PCDHA7: variants seen among roughly 807,000 people sequenced by gnomAD.
PCDHA7 encodes protocadherin alpha 7, also known as protocadherin alpha-7.
In PCDHA7, 37 loss-of-function variants were observed where a neutral mutation model predicts 57.2. That is an observed-to-expected ratio of 0.65 (90% confidence interval 0.50 to 0.85). The LOEUF (loss-of-function observed/expected upper bound fraction) is 0.85, where lower values mean the gene tolerates loss of function less well. Among genes scored for constraint, PCDHA7 ranks in the 40% least tolerant of loss-of-function variants. PCDHA7 has a pLI of 0.00. For missense variants in PCDHA7, 1,188 were observed against 1,241.8 expected, an observed-to-expected ratio of 0.96 and a Z score of 0.65; for synonymous variants, 553 against 558.8, an observed-to-expected ratio of 0.99 and a Z score of 0.15.
chr5:140,928,921 C>A (rs782289381), intron 1 of PCDHA7: 1 of 1,614,116 alleles, frequency 6.2e-7, no homozygotes, highest in Non-Finnish European at 8.5e-7. Flanking sequence ...AGGAGGGCAG[C>A]TTTCTGCCCA....
rs782328804 is a variant in PCDHA7, at chr5:140,882,548, G to A, written c.2355+45810G>A. The A allele has an allele frequency of 5.3e-5, 86 of 1,614,126 alleles. No homozygotes were observed. The highest frequency in any genetic ancestry group is 4.9e-4 in the East Asian group (22 of 44,902). ...TGTGAATTCTCGGATCGACCGCGAG[G>A]AGCTGTGTGGGCGGAGCGCGGAGTG... On this transcript the variant is annotated intron_variant, in intron 1 of 3. Transcript: ENST00000525929.
chr5:140,981,794 T>G (rs1290588653), intron 2 of PCDHA7, among the ~76,000 whole-genome samples: 2 of 152,150 alleles, frequency 1.3e-5, no homozygotes, highest in Non-Finnish European at 2.9e-5. Flanking sequence ...CTCTTTTCCC[T>G]TGAACAGTTT....
chr5:140,850,233 A>C lies in PCDHA7; in HGVS notation c.2355+13495A>C, dbSNP rs2150474794. The C allele has an allele frequency of 2.5e-6, 4 of 1,593,908 alleles. No individual in the cohort carries two copies. In the South Asian group the frequency reaches 4.4e-5, roughly 18 times the overall value. On this transcript the variant is annotated intron_variant, in intron 1 of 3. Transcript: ENST00000525929. The stretch of plus-strand genomic sequence containing the variant: ...GGGCACTGACGGCGCAGTGAGCGAG[A>C]TGGTGCTGCGGTCGGTGGGCGCCGG...
chr5:140,961,632 A>T (rs373824042), intron 1 of PCDHA7, among the ~76,000 whole-genome samples: 2 of 152,214 alleles, frequency 1.3e-5, no homozygotes, highest in African/African-American at 4.8e-5. Context: ...ATGAAAAACA[A>T]TCTTAAGTCT....
chr5:140,966,176 T>G (rs2095977016), intron 1 of PCDHA7: 1 of 188,102 alleles, frequency 5.3e-6, no homozygotes, highest in African/African-American at 2.3e-5. Context: ...CCTGGGGAGC[T>G]GATAGCCAGA....
Position 140,962,028 on chromosome 5 carries a change from C to A in PCDHA7, c.2356-16921C>A, listed in dbSNP as rs1046578713. Among the ~76,000 whole-genome samples the A allele has an allele frequency of 5.9e-5, 9 of 152,036 alleles. No individual in the cohort carries two copies. In the South Asian group the frequency reaches 1.7e-3, roughly 28 times the overall value. The stretch of plus-strand genomic sequence containing the variant: ...CTTCCCGAGTAGCTGGGACTACAGG[C>A]ACCCACCACCATGCCTGGCTAATTT... On this transcript the variant is annotated intron_variant, in intron 1 of 3. Transcript: ENST00000525929.
At chr5:140,858,549 G>C in intron 1 of PCDHA7, 1 of 1,394,430 alleles carries the variant, frequency 7.2e-7, no homozygotes, top group South Asian at 1.2e-5. Context: ...TTCCATTTAT[G>C]CTTGAATATT....
intron 3 of PCDHA7, among the ~76,000 whole-genome samples, chr5:140,993,787 A>AT (rs1554253947): frequency 6.6e-6 from 1 of 152,196 alleles, no homozygotes; most frequent in Non-Finnish European, 1.5e-5. Context: ...GTACAGTAAC[A>AT]TGCTGTGCAG....
At chr5:140,843,113 G>C (rs1234618172) in intron 1 of PCDHA7, 1 of 1,595,750 alleles carries the variant, frequency 6.3e-7, no homozygotes, top group African/African-American at 1.3e-5. Flanking sequence ...GCGCGCAGTG[G>C]ACGCCGACTC....
intron 1 of PCDHA7, chr5:140,927,194 T>C (rs2083959275): frequency 1.2e-6 from 2 of 1,614,122 alleles, no homozygotes; most frequent in Non-Finnish European, 1.7e-6. Context: ...GACCTGGTGC[T>C]CGAGGACCCG....
intron 1 of PCDHA7, among the ~76,000 whole-genome samples, chr5:140,899,116 T>C (rs563698448): frequency 6.6e-6 from 1 of 152,246 alleles, no homozygotes; most frequent in South Asian, 2.1e-4. Flanking sequence ...TTTCTAGATA[T>C]ACAATCATGT....
rs2098423512 is a variant in PCDHA7 at position 141,012,298 on chromosome 5, T to A, written c.*2361T>A. On this transcript the variant is annotated 3_prime_UTR_variant, in exon 4 of 4. Transcript: ENST00000525929. ...ATGTGGATTCATTTTGAATTGGTGC[T>A]ATTGGTATTTCCTCTGTTATTGCTA... is the stretch of plus-strand genomic sequence containing the variant. The A allele has an allele frequency of 6.5e-6, 1 of 153,804 alleles. No individual in the cohort carries two copies. Among genetic ancestry groups the A allele is most frequent in the Non-Finnish European group, 1.5e-5 (1 of 68,048 alleles). 9.5% of individuals were successfully genotyped at this position (153,804 alleles called of 1,614,324 possible). A position where few individuals can be genotyped will look rare whatever the true frequency, so the allele number is the denominator to read the frequency against.
At chr5:140,987,749 GT>G (rs1554249497) in intron 3 of PCDHA7, among the ~76,000 whole-genome samples, 1 of 152,142 alleles carries the variant, frequency 6.6e-6, no homozygotes, top group African/African-American at 2.4e-5. Context: ...GACCCAGGTT[GT>G]TCTGAGTATT....
chr5:140,876,728 C>G (rs200398819), intron 1 of PCDHA7: 4 of 1,614,244 alleles, frequency 2.5e-6, no homozygotes, highest in African/African-American at 2.7e-5. Flanking sequence ...GAGAGCGTGT[C>G]GGCCTATGAG....
intron 3 of PCDHA7, among the ~76,000 whole-genome samples, chr5:141,003,433 T>G (rs1479468480): frequency 2.0e-5 from 3 of 152,112 alleles, no homozygotes; most frequent in African/African-American, 7.2e-5. Flanking sequence ...TGCCTCAGCC[T>G]CCCAAGTAGA....
rs2150245565 is a variant in PCDHA7, at chr5:140,835,817, G to C, written c.1434G>C (p.Ser478=). The change falls in exon 1 of 4, where the codon TCG becomes TCC. Residue 478 remains serine, a synonymous_variant. Transcript: ENST00000525929. ...NPPGCHIFTV[S]AGDADAQKNA... ...CGGGCTGCCACATCTTCACTGTGTCGGCGGGGGACGCGGACGCGCAGAAGA... is the reference window on the plus strand; with the variant it reads ...CGGGCTGCCACATCTTCACTGTGTCCGCGGGGGACGCGGACGCGCAGAAGA... 6.2e-7 allele frequency: 1 copy of C among 1,612,752 alleles called. No individual in the cohort carries two copies. Among genetic ancestry groups the C allele is most frequent in the Non-Finnish European group, 8.5e-7 (1 of 1,179,694 alleles).
At chr5:140,882,201 C>T in intron 1 of PCDHA7, 1 of 1,528,460 alleles carries the variant, frequency 6.5e-7, no homozygotes, top group Non-Finnish European at 8.8e-7. Context: ...AAAATTGGGC[C>T]TTGAGAGACA....
chr5:140,876,228 T>G (rs1196218506), intron 1 of PCDHA7: 6 of 1,613,958 alleles, frequency 3.7e-6, no homozygotes, highest in Non-Finnish European at 5.1e-6. Flanking sequence ...TAGTGTTGTC[T>G]GAAAATGTCC....
chr5:140,834,540 G>C lies in PCDHA7; in HGVS notation c.157G>C (p.Gly53Arg). The change falls in exon 1 of 4, where the codon GGG becomes CGG. Residue 53 changes from glycine (G) to arginine (R), a missense_variant. Coordinates refer to ENST00000525929, the MANE Select transcript of PCDHA7 (RefSeq NM_018910.3). The stretch of plus-strand genomic sequence containing the variant: ...CGTGGGCCGCATCGCGCAGGACCTG[G>C]GGCTGGAGCTGGCGGAGCTGGTGCC... ...NFVGRIAQDL[G>R]LELAELVPRL... The C allele has an allele frequency of 6.2e-7, 1 of 1,614,082 alleles. No individual in the cohort carries two copies. The highest frequency in any genetic ancestry group is 8.5e-7 in the Non-Finnish European group (1 of 1,180,040).
Sources: allele counts gnomAD v4.1 joint callset (sites outside exome capture counted in the v4.1 genomes callset), GRCh38; gene constraint gnomAD v4.1.1; transcripts MANE v1.5; gene names NCBI Gene and HGNC (gene_info 2026-07-23, HGNC 2026-07-21).